Variants in ZFPM2 observed in about 807,000 individuals in gnomAD.
The protein encoded by ZFPM2 is zinc finger protein, FOG family member 2.
ZFPM2 carries 20 observed loss-of-function variants against 98.6 expected under a neutral mutation model. That is an observed-to-expected ratio of 0.20 (90% CI 0.14 to 0.29). The LOEUF (loss-of-function observed/expected upper bound fraction) is 0.29, where lower values mean the gene tolerates loss of function less well. Ranked by LOEUF, ZFPM2 falls within the 10% of genes least tolerant of loss-of-function variation. ZFPM2 has a pLI of 1.00. For synonymous variants in ZFPM2, 518 were observed against 502.7 expected (o/e 1.03, Z -0.41); for missense variants, 1,310 against 1,388.6 (o/e 0.94, Z 0.90).
At chr8:105,542,420 A>C (rs1814597293) in intron 3 of ZFPM2, among the ~76,000 whole-genome samples, 1 of 152,170 alleles carries the variant, frequency 6.6e-6, no homozygotes, top group African/African-American at 2.4e-5. Context: ...TAATAGTTTA[A>C]GAGCTCTCAA....
intron 1 of ZFPM2, among the ~76,000 whole-genome samples, chr8:105,333,626 T>C (rs560842157): frequency 1.3e-5 from 2 of 151,660 alleles, no homozygotes; most frequent in Non-Finnish European, 3.0e-5. Context: ...CCCTCATATG[T>C]GTGCTCATTA....
At chr8:105,413,466 T>C (rs1265053325) in intron 1 of ZFPM2, among the ~76,000 whole-genome samples, 2 of 147,692 alleles carry the variant, frequency 1.4e-5, no homozygotes, top group African/African-American at 5.0e-5. Flanking sequence ...TCGATTATGA[T>C]GTCACAATTC....
intron 3 of ZFPM2, among the ~76,000 whole-genome samples, chr8:105,532,202 C>G (rs1479295971): frequency 6.6e-6 from 1 of 151,984 alleles, no homozygotes; most frequent in Non-Finnish European, 1.5e-5. Context: ...AAGCCCGGCC[C>G]CTGTTGATAA....
chr8:105,688,969 C>G (rs1437285149), intron 5 of ZFPM2, among the ~76,000 whole-genome samples: 1 of 152,140 alleles, frequency 6.6e-6, no homozygotes, highest in African/African-American at 2.4e-5. Context: ...TATGGTGGCT[C>G]CACCCCACCT....
At chr8:105,578,508 A>G (rs2130736291) in intron 4 of ZFPM2, among the ~76,000 whole-genome samples, 1 of 152,208 alleles carries the variant, frequency 6.6e-6, no homozygotes, top group South Asian at 2.1e-4. Flanking sequence ...AGCATTTAAA[A>G]GTTTCTCAGT....
chr8:105,587,359 T>A (rs1815745238), intron 4 of ZFPM2, among the ~76,000 whole-genome samples: 1 of 151,374 alleles, frequency 6.6e-6, no homozygotes, highest in Non-Finnish European at 1.5e-5. Flanking sequence ...GTGAAGATGA[T>A]GTGTCTCATA....
intron 5 of ZFPM2, among the ~76,000 whole-genome samples, chr8:105,732,144 CT>C (rs199987074): frequency 0.013 from 1,982 of 151,854 alleles, 20 homozygotes; most frequent in Middle Eastern, 0.065. Context: ...AGCTGTCCCC[CT>C]ATTTGAAATA....
At chr8:105,692,419 A>G (rs1200776534) in intron 5 of ZFPM2, among the ~76,000 whole-genome samples, 1 of 152,214 alleles carries the variant, frequency 6.6e-6, no homozygotes, top group Non-Finnish European at 1.5e-5. Context: ...TGGATGTGCA[A>G]ATACATAAAA....
chr8:105,400,266 TA>T (rs1304734209), intron 1 of ZFPM2, among the ~76,000 whole-genome samples: 9 of 151,966 alleles, frequency 5.9e-5, no homozygotes, highest in East Asian at 1.9e-4. Flanking sequence ...TTATTTATTT[TA>T]TTTTTTTTAT....
intron 3 of ZFPM2, among the ~76,000 whole-genome samples, chr8:105,557,994 G>A (rs9886652): frequency 0.6 from 91,454 of 151,910 alleles, 27,766 homozygotes; most frequent in African/African-American, 0.71. Context: ...TCTTTTAACA[G>A]TGACAAACCA....
intron 3 of ZFPM2, among the ~76,000 whole-genome samples, chr8:105,506,434 A>T (rs1813699458): frequency 6.6e-6 from 1 of 152,320 alleles, no homozygotes; most frequent in African/African-American, 2.4e-5. Flanking sequence ...ATTATTTCTT[A>T]AAAATGAAAT....
chr8:105,576,610 T>A (rs890482465), intron 4 of ZFPM2, among the ~76,000 whole-genome samples: 3 of 152,202 alleles, frequency 2.0e-5, no homozygotes. Context: ...CCTGTCATAT[T>A]GGAAGACAAC....
At chr8:105,515,898 GA>G (rs1173610569) in intron 3 of ZFPM2, among the ~76,000 whole-genome samples, 1 of 133,534 alleles carries the variant, frequency 7.5e-6, no homozygotes, top group Non-Finnish European at 1.6e-5. Context: ...GTGCAAGAAA[GA>G]AAAAACAACT....
intron 1 of ZFPM2, among the ~76,000 whole-genome samples, chr8:105,332,527 A>G (rs1307952648): frequency 6.6e-6 from 1 of 151,754 alleles, no homozygotes; most frequent in Non-Finnish European, 1.5e-5. Flanking sequence ...TGAAAACTTC[A>G]TTTAATATTC....
At chr8:105,491,131 T>G (rs956872562) in intron 3 of ZFPM2, among the ~76,000 whole-genome samples, 3 of 152,132 alleles carry the variant, frequency 2.0e-5, no homozygotes, top group African/African-American at 7.2e-5. Flanking sequence ...TTGCCTGCAA[T>G]TTGAAATTCT....
intron 1 of ZFPM2, among the ~76,000 whole-genome samples, chr8:105,375,090 T>C (rs964632478): frequency 6.6e-6 from 1 of 152,208 alleles, no homozygotes; most frequent in African/African-American, 2.4e-5. Flanking sequence ...AATTTGTGAC[T>C]ATTATTTGAT....
rs141486458 is a variant in ZFPM2, at chr8:105,716,815, A to G, written c.533-71903A>G. On this transcript the variant is annotated intron_variant, in intron 5 of 7. Coordinates refer to ENST00000407775, the MANE Select transcript of ZFPM2 (RefSeq NM_012082.4). The stretch of plus-strand genomic sequence containing the variant: ...AACTTCCAGAGGTTTTCAAGAGTAC[A>G]GCACAACAGGGTAGTCACTTAAGGC... 7.2e-4 allele frequency among the ~76,000 whole-genome samples: 109 copies of G among 152,138 alleles called. 1 individual carries two copies. In the East Asian group the frequency reaches 0.019, roughly 27 times the overall value.
Position 105,446,166 on chromosome 8 carries a change from C to T in ZFPM2, c.301+1785C>T, listed in dbSNP as rs574919003. 6.6e-5 allele frequency among the ~76,000 whole-genome samples: 10 copies of T among 152,246 alleles called. No homozygotes were observed. In the South Asian group the frequency reaches 1.7e-3, roughly 25 times the overall value. ...CGATCTCCTGACCTCGTGATCCTCCCGCCTTGGCCTCCCAAAGTGCTGGGA... is the reference window on the plus strand; with the variant it reads ...CGATCTCCTGACCTCGTGATCCTCCTGCCTTGGCCTCCCAAAGTGCTGGGA... On this transcript the variant is annotated intron_variant, in intron 3 of 7. Transcript: ENST00000407775.
intron 2 of ZFPM2, among the ~76,000 whole-genome samples, chr8:105,440,978 C>T (rs572533977): frequency 1.8e-4 from 27 of 151,948 alleles, no homozygotes; most frequent in African/African-American, 5.1e-4. Flanking sequence ...GGTGAAACCC[C>T]GTCTCTACTA....
Sources: allele counts gnomAD v4.1 joint callset (sites outside exome capture counted in the v4.1 genomes callset), GRCh38; gene constraint gnomAD v4.1.1; transcripts MANE v1.5; gene names NCBI Gene and HGNC (gene_info 2026-07-23, HGNC 2026-07-21).